The following FREM2 variants were observed in gnomAD, a reference collection of about 807,000 sequenced individuals.
FREM2 encodes FRAS1 related extracellular matrix 2.
Under a neutral mutation model 219.9 loss-of-function variants are expected in FREM2, and 119 were observed. That is an observed-to-expected ratio of 0.54 (90% confidence interval 0.47 to 0.63). The LOEUF is 0.63. FREM2 is among the 30% of genes least tolerant of loss of function. FREM2 has a pLI of 0.00. For synonymous variants in FREM2, 1,562 were observed against 1,522.8 expected (o/e 1.03, Z -0.60); for missense variants, 4,030 against 3,993.6 (o/e 1.01, Z -0.25).
In FREM2 at chr13:38,782,919, C is replaced by A. The variant is rs868796744; in HGVS notation, c.5642-151C>A. ...TCCCTTTATACCCACTTCTTTTCCC[C>A]TCTCCTTCCTCCTTTTCCTCCCACT... On this transcript the variant is annotated intron_variant, in intron 4 of 23. Transcript: ENST00000280481. 2.8e-5 allele frequency: 27 copies of A among 962,336 alleles called. No individual in the cohort carries two copies. The East Asian group carries it at 4.3e-4, about 15-fold the overall frequency. The allele number at this position is 962,336 out of a possible 1,614,324, so 59.6% of individuals were successfully genotyped here. A position where few individuals can be genotyped will look rare whatever the true frequency, so the allele number is the denominator to read the frequency against.
intron 6 of FREM2, among the ~76,000 whole-genome samples, chr13:38,846,102 C>G (rs1877143056): frequency 6.6e-6 from 1 of 151,672 alleles, no homozygotes; most frequent in Non-Finnish European, 1.5e-5. Flanking sequence ...CACTCACATA[C>G]ATCGAAATAA....
rs1947695121 is a variant in FREM2 at position 38,873,475 on chromosome 13, CT to C, written c.8176+542del. ...TAGACACAACTTCTAATATCTCTTTCTGATGTAAAATTCTATTACTCTGGGG... is the reference window on the plus strand; with the variant it reads ...TAGACACAACTTCTAATATCTCTTTCGATGTAAAATTCTATTACTCTGGGG... On this transcript the variant is annotated intron_variant, in intron 17 of 23. Coordinates refer to ENST00000280481, the MANE Select transcript of FREM2 (RefSeq NM_207361.6). Among the ~76,000 whole-genome samples the C allele has an allele frequency of 1.3e-5, 2 of 152,160 alleles. 1 individual carries two copies. The highest frequency in any genetic ancestry group is 1.3e-4 in the Admixed American group (2 of 15,274).
In FREM2 at chr13:38,851,784, G is replaced by A. The variant is rs369064802; in HGVS notation, c.6841G>A (p.Asp2281Asn). 1.2e-6 allele frequency: 2 copies of A among 1,613,696 alleles called. No homozygotes were observed. Among genetic ancestry groups the A allele is most frequent in the African/African-American group, 1.3e-5 (1 of 74,876 alleles). The change falls in exon 11 of 24, where the codon GAC becomes AAC. Residue 2281 changes from aspartate to asparagine, a missense_variant. Transcript: ENST00000280481. Reference sequence around the variant, plus strand: ...AAGAATTCCAGTGATTCGCCAAGGAGACACTTCAAAGGTTTCCATTGTGAG... The same window carrying A: ...AAGAATTCCAGTGATTCGCCAAGGAAACACTTCAAAGGTTTCCATTGTGAG... ...VIRIPVIRQG[D>N]TSKVSIVRVH...
At chr13:38,828,728 ATTAAT>A (rs1876392515) in intron 6 of FREM2, among the ~76,000 whole-genome samples, 1 of 150,966 alleles carries the variant, frequency 6.6e-6, no homozygotes, top group Non-Finnish European at 1.5e-5. Context: ...ATAATAATAA[ATTAAT>A]TTAAAAAAAA....
chr13:38,810,741 A>T (rs1230783433), intron 6 of FREM2, among the ~76,000 whole-genome samples: 1 of 151,992 alleles, frequency 6.6e-6, no homozygotes, highest in Non-Finnish European at 1.5e-5. Flanking sequence ...GAGGATTTTT[A>T]CATCAATATT....
At chr13:38,741,163 C>T (rs768303341) in intron 2 of FREM2, among the ~76,000 whole-genome samples, 14 of 152,110 alleles carry the variant, frequency 9.2e-5, no homozygotes, top group Non-Finnish European at 2.1e-4. Context: ...AATTCAAACC[C>T]TGCAAAACAC....
At chr13:38,789,764 A>G (rs1874484620) in intron 6 of FREM2, among the ~76,000 whole-genome samples, 1 of 149,182 alleles carries the variant, frequency 6.7e-6, no homozygotes, top group African/African-American at 2.4e-5. Context: ...TTTATCTTTG[A>G]CTTTCTATCA....
intron 2 of FREM2, among the ~76,000 whole-genome samples, chr13:38,729,403 T>G (rs1871672861): frequency 6.6e-6 from 1 of 152,158 alleles, no homozygotes; most frequent in South Asian, 2.1e-4. Flanking sequence ...AAAAAGAATA[T>G]AAATTTGGAA....
intron 2 of FREM2, among the ~76,000 whole-genome samples, chr13:38,759,344 G>A (rs2137803817): frequency 6.6e-6 from 1 of 152,032 alleles, no homozygotes; most frequent in Admixed American, 6.6e-5. Context: ...CAAAATTGTG[G>A]CACTAGTTTC....
intron 17 of FREM2, among the ~76,000 whole-genome samples, chr13:38,873,799 A>G (rs1200250251): frequency 6.6e-6 from 1 of 152,220 alleles, no homozygotes; most frequent in Non-Finnish European, 1.5e-5. Context: ...AAACCTATTT[A>G]TGCTCTGTTC....
intron 6 of FREM2, among the ~76,000 whole-genome samples, chr13:38,840,029 GTGTC>G (rs768791919): frequency 1.3e-4 from 20 of 152,188 alleles, no homozygotes; most frequent in Non-Finnish European, 2.2e-4. Context: ...AGCTAGCTGA[GTGTC>G]TGTCCAAATG....
At chr13:38,810,529 G>T (rs967052254) in intron 6 of FREM2, among the ~76,000 whole-genome samples, 8 of 151,860 alleles carry the variant, frequency 5.3e-5, no homozygotes, top group African/African-American at 1.7e-4. Flanking sequence ...TATCATGAAG[G>T]ATGTTGAACT....
chr13:38,740,180 TAAAC>T (rs1207319889), intron 2 of FREM2, among the ~76,000 whole-genome samples: 2 of 152,210 alleles, frequency 1.3e-5, no homozygotes, highest in Non-Finnish European at 2.9e-5. Flanking sequence ...TTATATTAAA[TAAAC>T]AAGTAATTGT....
intron 2 of FREM2, among the ~76,000 whole-genome samples, chr13:38,730,790 A>G (rs1871733848): frequency 6.6e-6 from 1 of 152,236 alleles, no homozygotes; most frequent in East Asian, 1.9e-4. Flanking sequence ...AATAAAATGA[A>G]ACAGCAGAAA....
intron 4 of FREM2, among the ~76,000 whole-genome samples, chr13:38,775,735 C>T (rs1185583532): frequency 6.6e-6 from 1 of 152,194 alleles, no homozygotes; most frequent in African/African-American, 2.4e-5. Flanking sequence ...TCACCTGCCT[C>T]AGCCTCCCAA....
intron 2 of FREM2, among the ~76,000 whole-genome samples, chr13:38,702,795 T>C (rs555883383): frequency 5.2e-4 from 79 of 152,276 alleles, no homozygotes; most frequent in Non-Finnish European, 9.6e-4. Flanking sequence ...GCAGTCTCAG[T>C]GAGTTCTGCC....
At chr13:38,849,947 C>T in intron 8 of FREM2, 91 bp from the exon 9 acceptor site, 1 of 1,038,404 alleles carries the variant, frequency 9.6e-7, no homozygotes, top group Non-Finnish European at 1.5e-6. Flanking sequence ...TTCTCACTTA[C>T]TTTCCATTAT....
intron 9 of FREM2, 76 bp downstream of exon 9, chr13:38,850,311 T>TA (rs1877325324): frequency 8.3e-6 from 10 of 1,200,526 alleles, no homozygotes; most frequent in Non-Finnish European, 1.1e-5. Flanking sequence ...ATCAGGGAAA[T>TA]ACAAGTTCCT....
At chr13:38,752,317 T>C (rs1872805430) in intron 2 of FREM2, among the ~76,000 whole-genome samples, 1 of 152,194 alleles carries the variant, frequency 6.6e-6, no homozygotes, top group Non-Finnish European at 1.5e-5. Flanking sequence ...TATATGTCTT[T>C]TTAAGTCTAG....
Sources: gnomAD v4.1 joint callset for allele counts (sites outside exome capture counted in the v4.1 genomes callset) on GRCh38, gnomAD v4.1.1 for gene constraint, MANE v1.5 for transcripts, NCBI Gene and HGNC (gene_info 2026-07-23, HGNC 2026-07-21) for gene names.